LRP1B: variants seen among roughly 807,000 people sequenced by gnomAD.
LRP1B encodes the protein low-density lipoprotein receptor-related protein 1B.
A neutral mutation model predicts 556.6 loss-of-function variants in LRP1B; 217 were observed. The observed-to-expected ratio is 0.39, with a 90% CI of 0.35 to 0.44. The LOEUF is 0.44. LRP1B is among the 20% of genes least tolerant of loss of function. LRP1B has a pLI of 1.00. For missense variants in LRP1B, 5,053 were observed against 5,620.8 expected, an observed-to-expected ratio of 0.90 and a Z score of 3.23; for synonymous variants, 2,047 against 1,865.8, an observed-to-expected ratio of 1.10 and a Z score of -2.50.
intron 7 of LRP1B, among the ~76,000 whole-genome samples, chr2:141,169,347 G>A (rs562514627): frequency 2.1e-4 from 32 of 150,734 alleles, no homozygotes; most frequent in Non-Finnish European, 4.1e-4. Flanking sequence ...AAGAAGAGAT[G>A]GGACGTATGT....
intron 2 of LRP1B, among the ~76,000 whole-genome samples, chr2:141,708,989 T>C (rs1223811535): frequency 6.6e-6 from 1 of 152,132 alleles, no homozygotes; most frequent in African/African-American, 2.4e-5. Flanking sequence ...TGGCATATCA[T>C]TATGGCAGCC....
intron 2 of LRP1B, among the ~76,000 whole-genome samples, chr2:141,673,260 T>C (rs986932736): frequency 6.6e-6 from 1 of 152,222 alleles, no homozygotes; most frequent in Non-Finnish European, 1.5e-5. Context: ...AGGATTTTAA[T>C]ACTAAAAAAC....
At chr2:141,588,876 G>A (rs12612624) in intron 2 of LRP1B, among the ~76,000 whole-genome samples, 34,839 of 152,042 alleles carry the variant, frequency 0.23, 5,019 homozygotes, top group East Asian at 0.5. Context: ...TGCCATTTAG[G>A]GGGATAAACA....
intron 31 of LRP1B, among the ~76,000 whole-genome samples, chr2:140,825,419 A>G (rs1365577613): frequency 6.6e-6 from 1 of 151,732 alleles, no homozygotes; most frequent in Non-Finnish European, 1.5e-5. Context: ...GGCACATTAT[A>G]GGAAGTCCTT....
rs142910004 is a variant in LRP1B at position 140,863,158 on chromosome 2, GTA to G, written c.4579+4430_4579+4431del. 1.7e-3 allele frequency among the ~76,000 whole-genome samples: 263 copies of G among 151,276 alleles called. 1 individual carries two copies. The highest frequency in any genetic ancestry group is 3.4e-3 in the Middle Eastern group (1 of 292). On this transcript the variant is annotated intron_variant, in intron 27 of 90. Transcript: ENST00000389484. ...TCTATCTCTGTGTGTCTGTGTGTGT[GTA>G]TATATATATATGTGTTACACACACA...
At chr2:140,371,587 C>A (rs1682999002) in intron 69 of LRP1B, among the ~76,000 whole-genome samples, 1 of 149,818 alleles carries the variant, frequency 6.7e-6, no homozygotes. Flanking sequence ...ATCCTTCATC[C>A]CTTTGATTTT....
chr2:140,406,269 C>T (rs1270794462), intron 66 of LRP1B, among the ~76,000 whole-genome samples: 11 of 152,046 alleles, frequency 7.2e-5, no homozygotes, highest in Admixed American at 7.2e-4. Context: ...GCATGACCCC[C>T]TGAGAACTGG....
intron 53 of LRP1B, among the ~76,000 whole-genome samples, chr2:140,505,048 T>A (rs72901711): frequency 0.2 from 30,952 of 152,168 alleles, 3,696 homozygotes; most frequent in Non-Finnish European, 0.27. Context: ...TCTAACTTCA[T>A]CTTTTTAAAT....
chr2:141,128,271 T>C (rs1199014856), intron 7 of LRP1B, among the ~76,000 whole-genome samples: 1 of 152,220 alleles, frequency 6.6e-6, no homozygotes, highest in Non-Finnish European at 1.5e-5. Flanking sequence ...CCTTCACTAG[T>C]TGGAAACCAA....
At chr2:141,331,648 G>T (rs530964128) in intron 3 of LRP1B, among the ~76,000 whole-genome samples, 7 of 151,826 alleles carry the variant, frequency 4.6e-5, no homozygotes, top group Non-Finnish European at 8.8e-5. Flanking sequence ...CTCCCTTCTG[G>T]AGAGAAATAT....
intron 33 of LRP1B, among the ~76,000 whole-genome samples, chr2:140,772,805 A>G (rs1689360961): frequency 6.6e-6 from 1 of 152,096 alleles, no homozygotes; most frequent in Non-Finnish European, 1.5e-5. Context: ...GGAGAGAAAG[A>G]GAAATAAGGG....
chr2:141,865,044 G>C (rs372583136), intron 1 of LRP1B, among the ~76,000 whole-genome samples: 3 of 152,164 alleles, frequency 2.0e-5, no homozygotes, highest in African/African-American at 7.2e-5. Flanking sequence ...TATTAGAACA[G>C]TGCAGAAATC....
chr2:140,797,506 A>G (rs181105014), intron 32 of LRP1B, among the ~76,000 whole-genome samples: 1 of 152,208 alleles, frequency 6.6e-6, no homozygotes, highest in Admixed American at 6.6e-5. Flanking sequence ...ATTAAAATGC[A>G]TAATAATAGT....
At chr2:140,291,462 C>A (rs1326839862) in intron 84 of LRP1B, among the ~76,000 whole-genome samples, 2 of 151,252 alleles carry the variant, frequency 1.3e-5, no homozygotes, top group East Asian at 2.0e-4. Context: ...CCTCCTCACT[C>A]CCCCCACCCC....
chr2:141,644,510 A>G (rs1689476046), intron 2 of LRP1B, among the ~76,000 whole-genome samples: 1 of 152,148 alleles, frequency 6.6e-6, no homozygotes, highest in Non-Finnish European at 1.5e-5. Flanking sequence ...GGACTGATAC[A>G]ATCAGCAATT....
At chr2:140,968,953 TG>T (rs1363609636) in intron 18 of LRP1B, among the ~76,000 whole-genome samples, 1 of 152,222 alleles carries the variant, frequency 6.6e-6, no homozygotes, top group Admixed American at 6.5e-5. Context: ...CTTCCAACTA[TG>T]TGGTCAGTTT....
chr2:141,004,734 T>C (rs1573971757), intron 15 of LRP1B, among the ~76,000 whole-genome samples: 1 of 152,188 alleles, frequency 6.6e-6, no homozygotes, highest in East Asian at 1.9e-4. Flanking sequence ...GATAGCATTG[T>C]TGGTGTTATT....
At chr2:140,785,746 C>CTT (rs1209927747) in intron 32 of LRP1B, among the ~76,000 whole-genome samples, 1 of 152,086 alleles carries the variant, frequency 6.6e-6, no homozygotes, top group Non-Finnish European at 1.5e-5. Flanking sequence ...ACAACAAAGC[C>CTT]ACCTCAACTT....
chr2:140,800,337 T>C (rs1690465108), intron 32 of LRP1B, among the ~76,000 whole-genome samples: 1 of 152,096 alleles, frequency 6.6e-6, no homozygotes, highest in African/African-American at 2.4e-5. Flanking sequence ...ACATGGCACA[T>C]GTATATATAC....
Sources: gnomAD v4.1 joint callset for allele counts (sites outside exome capture counted in the v4.1 genomes callset) on GRCh38, gnomAD v4.1.1 for gene constraint, MANE v1.5 for transcripts, NCBI Gene and HGNC (gene_info 2026-07-23, HGNC 2026-07-21) for gene names.